SORCS2: variants seen among roughly 807,000 people sequenced by gnomAD.
SORCS2 encodes the protein sortilin related VPS10 domain containing receptor 2.
Under a neutral mutation model 141.6 loss-of-function variants are expected in SORCS2, and 100 were observed. The observed-to-expected ratio is 0.71, with a 90% CI of 0.60 to 0.83. The LOEUF (loss-of-function observed/expected upper bound fraction) is 0.83, where lower values mean the gene tolerates loss of function less well. Ranked by LOEUF, SORCS2 falls within the 40% of genes least tolerant of loss-of-function variation. The pLI is 0.00. For missense variants in SORCS2, 1,646 were observed against 1,560.2 expected, an observed-to-expected ratio of 1.05 and a Z score of -0.93; for synonymous variants, 789 against 676.9, an observed-to-expected ratio of 1.17 and a Z score of -2.57.
At chr4:7,561,842 T>C (rs547719951) in intron 3 of SORCS2, among the ~76,000 whole-genome samples, 2 of 152,056 alleles carry the variant, frequency 1.3e-5, no homozygotes, top group South Asian at 4.2e-4. Flanking sequence ...CATCCTTCCA[T>C]CCATCCATCT....
At chr4:7,336,932 A>G (rs1577415123) in intron 1 of SORCS2, among the ~76,000 whole-genome samples, 1 of 152,126 alleles carries the variant, frequency 6.6e-6, no homozygotes, top group East Asian at 1.9e-4. Flanking sequence ...CTGAGCCCCA[A>G]GTTCTCATCT....
rs13106790 is a variant in SORCS2 at position 7,230,041 on chromosome 4, T to A, written c.480+36915T>A. 2.1e-3 allele frequency among the ~76,000 whole-genome samples: 79 copies of A among 38,098 alleles called. 1 individual carries two copies. The highest frequency in any genetic ancestry group is 3.7e-3 in the Admixed American group (11 of 2,978). 25.0% of individuals were successfully genotyped at this position (38,098 alleles called of 152,430 possible). ...GTGCTCATGTATGAAGGAGATGAAG[T>A]TGGTCAAGTCTTCGAGTCTCTGGGC... On this transcript the variant is annotated intron_variant, in intron 1 of 26. Transcript: ENST00000507866.
rs546888513 is a variant in SORCS2 at position 7,385,921 on chromosome 4, C to T, written c.481-10367C>T. 7.9e-5 allele frequency among the ~76,000 whole-genome samples: 12 copies of T among 152,296 alleles called. No individual in the cohort carries two copies. The South Asian group carries it at 1.5e-3, about 18-fold the overall frequency. On this transcript the variant is annotated intron_variant, in intron 1 of 26. Coordinates refer to ENST00000507866, the MANE Select transcript of SORCS2 (RefSeq NM_020777.3). ...TGCTTCCACCAGCATCTAGTCTTCC[C>T]CTTTGCTGTGTGTACCAGCCCCACT...
chr4:7,574,180 G>T (rs1715590444), intron 3 of SORCS2, among the ~76,000 whole-genome samples: 1 of 152,366 alleles, frequency 6.6e-6, no homozygotes, highest in South Asian at 2.1e-4. Context: ...AGAGAAGCGG[G>T]TTGGGTCCCG....
chr4:7,309,778 T>C (rs1718067034), intron 1 of SORCS2, among the ~76,000 whole-genome samples: 1 of 152,148 alleles, frequency 6.6e-6, no homozygotes, highest in African/African-American at 2.4e-5. Context: ...TGTAGCTGTG[T>C]CCAGGCTGGG....
chr4:7,379,958 C>A (rs116836275), intron 1 of SORCS2, among the ~76,000 whole-genome samples: 1 of 152,250 alleles, frequency 6.6e-6, no homozygotes, highest in African/African-American at 2.4e-5. Context: ...TGGTCCCTGG[C>A]TCCCCATCCC....
intron 2 of SORCS2, among the ~76,000 whole-genome samples, chr4:7,443,667 G>A (rs1050771333): frequency 6.6e-6 from 1 of 152,226 alleles, no homozygotes; most frequent in African/African-American, 2.4e-5. Context: ...CTTAGGTGTT[G>A]AGACTCAGGA....
chr4:7,206,261 T>G (rs1268827626), intron 1 of SORCS2, among the ~76,000 whole-genome samples: 1 of 152,080 alleles, frequency 6.6e-6, no homozygotes, highest in East Asian at 1.9e-4. Flanking sequence ...CTCCAGGGGC[T>G]CAGGGGCTTT....
At chr4:7,620,447 C>G (rs1486016188) in intron 3 of SORCS2, among the ~76,000 whole-genome samples, 1 of 152,228 alleles carries the variant, frequency 6.6e-6, no homozygotes, top group East Asian at 1.9e-4. Flanking sequence ...CATTCACCCC[C>G]ACATCCATCA....
rs577836599 is a variant in SORCS2 at position 7,736,680 on chromosome 4, G to A, written c.3312-389G>A. ...GTGCCTCTCAGAGCTGGGCCGGCTC[G>A]TGCCTCCTGCGGGAATGTGTGCCCA... is the stretch of plus-strand genomic sequence containing the variant. On this transcript the variant is annotated intron_variant, in intron 25 of 26. Coordinates refer to ENST00000507866, the MANE Select transcript of SORCS2 (RefSeq NM_020777.3). 5.8e-3 allele frequency among the ~76,000 whole-genome samples: 882 copies of A among 152,302 alleles called. 5 individuals are homozygous for A. The highest frequency in any genetic ancestry group is 0.02 in the African/African-American group (841 of 41,558).
intron 1 of SORCS2, among the ~76,000 whole-genome samples, chr4:7,376,313 A>AT (rs946089793): frequency 6.6e-6 from 1 of 151,802 alleles, no homozygotes; most frequent in African/African-American, 2.4e-5. Flanking sequence ...ACGGTGGCTC[A>AT]TGCCTGTAAT....
chr4:7,492,460 TC>T (rs1731373847), intron 2 of SORCS2, among the ~76,000 whole-genome samples: 1 of 152,228 alleles, frequency 6.6e-6, no homozygotes. Flanking sequence ...ACACCAGGGT[TC>T]TTCATGCATC....
At chr4:7,660,745 T>C (rs1477502536) in intron 5 of SORCS2, among the ~76,000 whole-genome samples, 2 of 152,192 alleles carry the variant, frequency 1.3e-5, no homozygotes, top group African/African-American at 2.4e-5. Flanking sequence ...TACCTCACAA[T>C]GTACAGTCCA....
At chr4:7,498,590 C>T (rs1224192210) in intron 2 of SORCS2, among the ~76,000 whole-genome samples, 1 of 152,220 alleles carries the variant, frequency 6.6e-6, no homozygotes, top group East Asian at 1.9e-4. Flanking sequence ...CTGGGTGAGG[C>T]CCCACCTCCT....
chr4:7,225,162 C>T (rs1018756265), intron 1 of SORCS2, among the ~76,000 whole-genome samples: 3 of 152,312 alleles, frequency 2.0e-5, no homozygotes, highest in South Asian at 2.1e-4. Context: ...TTCCCCTACC[C>T]GTGCTGTGCT....
chr4:7,481,221 G>A (rs1207279147), intron 2 of SORCS2, among the ~76,000 whole-genome samples: 5 of 152,264 alleles, frequency 3.3e-5, no homozygotes, highest in South Asian at 2.1e-4. Context: ...CAGCGTCTGC[G>A]ACCCTGAGAA....
chr4:7,338,285 AGGAT>A lies in SORCS2; in HGVS notation c.481-57977_481-57974del, dbSNP rs36023886. Among the ~76,000 whole-genome samples, 487 of 138,748 alleles carry A rather than the reference AGGAT, an allele frequency of 3.5e-3. 1 individual carries two copies. Among genetic ancestry groups the A allele is most frequent in the African/African-American group, 5.9e-3 (212 of 35,996 alleles). 91.0% of individuals were successfully genotyped at this position (138,748 alleles called of 152,430 possible). A position where few individuals can be genotyped will look rare whatever the true frequency, so the allele number is the denominator to read the frequency against. ...GATGCATGGATGTCGGTTGGATGGA[AGGAT>A]GGATGGATGGATGGATGGATGGATG... is the stretch of plus-strand genomic sequence containing the variant. On this transcript the variant is annotated intron_variant, in intron 1 of 26. Coordinates refer to ENST00000507866, the MANE Select transcript of SORCS2 (RefSeq NM_020777.3).
chr4:7,537,912 A>G (rs1712262314), intron 3 of SORCS2, among the ~76,000 whole-genome samples: 1 of 152,146 alleles, frequency 6.6e-6, no homozygotes, highest in Non-Finnish European at 1.5e-5. Flanking sequence ...ATTGAGCCCA[A>G]GAGGTTGAGC....
chr4:7,421,916 C>T (rs978884928), intron 2 of SORCS2, among the ~76,000 whole-genome samples: 4 of 143,344 alleles, frequency 2.8e-5, no homozygotes, highest in Non-Finnish European at 4.6e-5. Context: ...GGGGCTGGGG[C>T]GGGGCTGGGC....
Sources: gnomAD v4.1 joint callset for allele counts (sites outside exome capture counted in the v4.1 genomes callset) on GRCh38, gnomAD v4.1.1 for gene constraint, MANE v1.5 for transcripts, NCBI Gene and HGNC (gene_info 2026-07-23, HGNC 2026-07-21) for gene names.